DACH2: variants seen among roughly 807,000 people sequenced by gnomAD.
DACH2 encodes the protein dachshund homolog 2.
In DACH2, 17 loss-of-function variants were observed where a neutral mutation model predicts 35.8. That is an observed-to-expected ratio of 0.48 (90% CI 0.33 to 0.71). The LOEUF is 0.71. Ranked by LOEUF, DACH2 falls within the 30% of genes least tolerant of loss-of-function variation. DACH2 has a pLI of 0.02. For synonymous variants in DACH2, 195 were observed against 177.3 expected, an observed-to-expected ratio of 1.10 and a Z score of -0.79; for missense variants, 469 against 472.7, an observed-to-expected ratio of 0.99 and a Z score of 0.07.
intron 1 of DACH2, among the ~76,000 whole-genome samples, chrX:86,190,946 AAAAT>A (rs1485561970): frequency 9.0e-6 from 1 of 111,731 alleles, no homozygotes; most frequent in African/African-American, 3.2e-5. Context: ...CTTCATCTCA[AAAAT>A]AAATAAATAA....
chrX:86,415,543 G>A (rs2036689664), intron 2 of DACH2, among the ~76,000 whole-genome samples: 1 of 111,859 alleles, frequency 8.9e-6, no homozygotes, highest in South Asian at 3.7e-4. Context: ...TTTTAATTCA[G>A]GAGATTATCT....
intron 4 of DACH2, among the ~76,000 whole-genome samples, chrX:86,686,433 A>G (rs778569993): frequency 9.1e-6 from 1 of 109,731 alleles, no homozygotes; most frequent in African/African-American, 3.3e-5. Flanking sequence ...GGGTTTCACC[A>G]TGTTGGCCAA....
chrX:86,397,182 C>A (rs867345657), intron 2 of DACH2, among the ~76,000 whole-genome samples: 6 of 110,809 alleles, frequency 5.4e-5, no homozygotes, highest in East Asian at 2.8e-4. Context: ...CATGATTTGG[C>A]TCTCTGTTTG....
In DACH2 at chrX:86,583,375, GA is replaced by G. The variant is rs766856198; in HGVS notation, c.641-67652del. On this transcript the variant is annotated intron_variant, in intron 3 of 11. Coordinates refer to ENST00000373125, the MANE Select transcript of DACH2 (RefSeq NM_053281.3). ...ATTCCTATCTAGAGCCATCAGGCAA[GA>G]AAAAAAAATTGAAAGGCATCGAAAT... Among the ~76,000 whole-genome samples, 7 of 108,718 alleles carry G rather than the reference GA, an allele frequency of 6.4e-5. No individual in the cohort carries two copies. The East Asian group carries it at 1.7e-3, about 27-fold the overall frequency. 94.4% of individuals were successfully genotyped at this position (108,718 alleles called of 115,157 possible). A position where few individuals can be genotyped will look rare whatever the true frequency, so the allele number is the denominator to read the frequency against.
chrX:86,288,707 A>G (rs2034205803), intron 1 of DACH2, among the ~76,000 whole-genome samples: 1 of 111,356 alleles, frequency 9.0e-6, no homozygotes, highest in African/African-American at 3.3e-5. Flanking sequence ...ACTACCACTG[A>G]TATTTCCTTA....
At chrX:86,329,931 G>A (rs2035182909) in intron 1 of DACH2, among the ~76,000 whole-genome samples, 1 of 111,432 alleles carries the variant, frequency 9.0e-6, no homozygotes, top group Non-Finnish European at 1.9e-5. Context: ...GTTTTATTTG[G>A]GGCTAGTGTT....
chrX:86,572,013 A>G (rs755718780), intron 3 of DACH2, among the ~76,000 whole-genome samples: 1 of 111,313 alleles, frequency 9.0e-6, no homozygotes, highest in African/African-American at 3.3e-5. Flanking sequence ...CTTTGTAAAT[A>G]TAGATTTTTT....
chrX:86,196,692 C>CAAAAAAAAA (rs56268300), intron 1 of DACH2, among the ~76,000 whole-genome samples: 5 of 27,361 alleles, frequency 1.8e-4, no homozygotes, highest in African/African-American at 6.8e-4. Context: ...GACTCCATCT[C>CAAAAAAAAA]AAAAAAAAAA....
intron 2 of DACH2, among the ~76,000 whole-genome samples, chrX:86,491,633 A>G (rs965186008): frequency 3.6e-5 from 4 of 111,679 alleles, no homozygotes; most frequent in Non-Finnish European, 7.5e-5. Flanking sequence ...TTCAGAACGT[A>G]TTTTGACCAT....
At chrX:86,386,387 G>T (rs1214596109) in intron 2 of DACH2, among the ~76,000 whole-genome samples, 1 of 110,942 alleles carries the variant, frequency 9.0e-6, no homozygotes. Context: ...TGATCACGGG[G>T]CTCAGGAAGT....
intron 7 of DACH2, among the ~76,000 whole-genome samples, chrX:86,781,198 C>T (rs2042086028): frequency 9.0e-6 from 1 of 111,356 alleles, no homozygotes; most frequent in African/African-American, 3.3e-5. Flanking sequence ...TTTGTTTTTC[C>T]ACAATTTCAG....
At chrX:86,361,757 G>T (rs1222671481) in intron 1 of DACH2, among the ~76,000 whole-genome samples, 1 of 111,289 alleles carries the variant, frequency 9.0e-6, no homozygotes, top group Non-Finnish European at 1.9e-5. Context: ...TACATCATTT[G>T]ACAGAATTAC....
rs185842388 is a variant in DACH2, at chrX:86,770,664, C to T, written c.1240+30782C>T. Among the ~76,000 whole-genome samples, 28 of 111,519 alleles carry T rather than the reference C, an allele frequency of 2.5e-4. No homozygotes were observed. In the East Asian group the frequency reaches 5.7e-3, roughly 23 times the overall value. The stretch of plus-strand genomic sequence containing the variant: ...AATATATTTACATTCCTTATTTTTC[C>T]GGGGAAAATATCACACTTTGGGCAA... On this transcript the variant is annotated intron_variant, in intron 7 of 11. Transcript: ENST00000373125.
At chrX:86,396,152 T>G (rs1216843493) in intron 2 of DACH2, among the ~76,000 whole-genome samples, 3 of 112,198 alleles carry the variant, frequency 2.7e-5, no homozygotes, top group Non-Finnish European at 5.6e-5. Context: ...TGATGAGGAT[T>G]TTTTCATGTG....
At chrX:86,575,624 G>A (rs2039427238) in intron 3 of DACH2, among the ~76,000 whole-genome samples, 1 of 111,661 alleles carries the variant, frequency 9.0e-6, no homozygotes, top group Non-Finnish European at 1.9e-5. Flanking sequence ...AGAGGGTATA[G>A]TTATTAATGT....
At position 86,148,909 on chromosome X, in the gene DACH2, C is replaced by A; in HGVS notation, c.289C>A (p.Leu97Ile). Reference protein sequence around the residue: ...ELICLPQVFDLFLKHLVGGLH... With the variant: ...ELICLPQVFDIFLKHLVGGLH... ...GATCTGCCTGCCGCAAGTCTTTGAT[C>A]TTTTTCTCAAGCACCTGGTGGGAGG... The change falls in exon 1 of 12, where the codon CTT (leucine) becomes ATT (isoleucine). Residue 97 changes from leucine (L) to isoleucine (I), a missense_variant. By Grantham distance (5) the Leu-to-Ile change is conservative. This residue lies in a region of DACH2 where 99 missense variants were observed against 114.3 expected (regional missense o/e 0.87). Transcript: ENST00000373125. 1 of 1,211,096 alleles carries A rather than the reference C, an allele frequency of 8.3e-7. No homozygotes were observed. The highest frequency in any genetic ancestry group is 1.1e-6 in the Non-Finnish European group (1 of 895,472).
At chrX:86,471,579 GATAA>G (rs2037760973) in intron 2 of DACH2, among the ~76,000 whole-genome samples, 1 of 111,207 alleles carries the variant, frequency 9.0e-6, no homozygotes, top group Non-Finnish European at 1.9e-5. Context: ...GTCTCTGAAA[GATAA>G]ATAACCACCC....
At chrX:86,657,178 C>A (rs1262169018) in intron 4 of DACH2, among the ~76,000 whole-genome samples, 1 of 108,515 alleles carries the variant, frequency 9.2e-6, no homozygotes, top group Admixed American at 9.9e-5. Flanking sequence ...TGTGCTAGCA[C>A]AACAGGGATA....
chrX:86,539,538 T>C (rs761628665), intron 3 of DACH2, among the ~76,000 whole-genome samples: 3 of 111,621 alleles, frequency 2.7e-5, no homozygotes, highest in Non-Finnish European at 5.6e-5. Flanking sequence ...TTAAGCTGTT[T>C]ATTTTGTTGT....
Sources: gnomAD v4.1 joint callset for allele counts (sites outside exome capture counted in the v4.1 genomes callset) on GRCh38, gnomAD v4.1.1 for gene constraint, gnomAD v4.1.1 regional missense constraint, MANE v1.5 for transcripts, NCBI Gene and HGNC (gene_info 2026-07-23, HGNC 2026-07-21) for gene names.